SYCE2: variants seen among roughly 807,000 people sequenced by gnomAD.
The protein encoded by SYCE2 is synaptonemal complex central element protein 2.
Under a neutral mutation model 27.9 loss-of-function variants are expected in SYCE2, and 3 were observed. The ratio of observed to expected loss-of-function variants is 0.11; its 90% CI spans 0.05 to 0.28. The LOEUF (loss-of-function observed/expected upper bound fraction) is 0.28. Among genes scored for constraint, SYCE2 ranks in the 10% least tolerant of loss-of-function variants. The pLI is 1.00. For missense variants in SYCE2, 207 were observed against 263.5 expected, an observed-to-expected ratio of 0.79 and a Z score of 1.48; for synonymous variants, 85 against 100.7, an observed-to-expected ratio of 0.84 and a Z score of 0.93.
At chr19:12,910,454 C>T (rs971771572) in intron 2 of SYCE2, among the ~76,000 whole-genome samples, 2 of 151,850 alleles carry the variant, frequency 1.3e-5, no homozygotes, top group African/African-American at 2.4e-5. Flanking sequence ...CTCACTGCCA[C>T]CTCCACCTCC....
intron 3 of SYCE2, 142 bp from the exon 4 acceptor site, chr19:12,900,790 CCCCAG>C: frequency 1.3e-6 from 1 of 785,184 alleles, no homozygotes; most frequent in East Asian, 2.7e-5. Context: ...ATGCCTGTAA[CCCCAG>C]CACTTTGGTA....
intron 5 of SYCE2, 182 bp from the exon 6 acceptor site, chr19:12,899,567 C>T (rs866284333): frequency 6.2e-7 from 1 of 1,614,072 alleles, no homozygotes; most frequent in Non-Finnish European, 8.5e-7. Context: ...GCCCGAAACT[C>T]TCAAGCCCCT....
Position 12,909,020 on chromosome 19 carries a change from C to T in SYCE2, c.132-4354G>A, listed in dbSNP as rs573796163. Reference sequence around the variant, plus strand: ...CCGTAGCATGGGATCCCTGAACAGTCCCCTTTCCCACCTACGTCCTGTCTC... The same window carrying T: ...CCGTAGCATGGGATCCCTGAACAGTTCCCTTTCCCACCTACGTCCTGTCTC... On this transcript the variant is annotated intron_variant, in intron 2 of 5. Transcript: ENST00000293695. Among the ~76,000 whole-genome samples, 7 of 152,280 alleles carry T rather than the reference C, an allele frequency of 4.6e-5. No individual in the cohort carries two copies. In the East Asian group the frequency reaches 1.2e-3, roughly 25 times the overall value.
In SYCE2 at chr19:12,900,616, C is replaced by T; in HGVS notation, c.339G>A (p.Arg113=). ...VSDLTEKLEE[R]IYQIYNDHNK... is the part of the protein sequence containing the mutation. Reference sequence around the variant, plus strand: ...TGTGGTCATTATAAATCTGATAGATCCTCTCCTCTAATTTCTCTGTCAGAT... The same window carrying T: ...TGTGGTCATTATAAATCTGATAGATTCTCTCCTCTAATTTCTCTGTCAGAT... Residue 113 remains arginine (R), a synonymous_variant, in exon 4 of 6, where the codon AGG becomes AGA. Coordinates refer to ENST00000293695, the MANE Select transcript of SYCE2 (RefSeq NM_001105578.2). 6.2e-7 allele frequency: 1 copy of T among 1,613,846 alleles called. No homozygotes were observed. Among genetic ancestry groups the T allele is most frequent in the Non-Finnish European group, 8.5e-7 (1 of 1,179,974 alleles).
At position 12,910,969 on chromosome 19, in the gene SYCE2, A is replaced by G. The variant is rs373700171; in HGVS notation, c.132-6303T>C. 1.6e-3 allele frequency among the ~76,000 whole-genome samples: 239 copies of G among 151,140 alleles called. 5 individuals carry two copies. Among genetic ancestry groups the G allele is most frequent in the African/African-American group, 5.7e-3 (233 of 41,124 alleles). ...TGGGATTACAGGCGTGAGCCACCGCACCCGGCCTGACCTTTTTTTTTCTTT... is the reference window on the plus strand; with the variant it reads ...TGGGATTACAGGCGTGAGCCACCGCGCCCGGCCTGACCTTTTTTTTTCTTT... On this transcript the variant is annotated intron_variant, in intron 2 of 5. Coordinates refer to ENST00000293695, the MANE Select transcript of SYCE2 (RefSeq NM_001105578.2).
In SYCE2 at chr19:12,911,615, C is replaced by CTTTTT. The variant is rs71168633; in HGVS notation, c.131+6602_131+6606dup. On this transcript the variant is annotated intron_variant, in intron 2 of 5. Coordinates refer to ENST00000293695, the MANE Select transcript of SYCE2 (RefSeq NM_001105578.2). ...CCAACCATGCCTGGATAATTTTTGC[C>CTTTTT]TTTTTTTTTTTTTTTTTTTTTAGAC... Among the ~76,000 whole-genome samples the CTTTTT allele has an allele frequency of 4.8e-4, 50 of 103,732 alleles. 2 individuals are homozygous for CTTTTT. Among genetic ancestry groups the CTTTTT allele is most frequent in the Middle Eastern group, 8.1e-3 (1 of 124 alleles). The allele number at this position is 103,732 out of a possible 152,430, so 68.1% of individuals were successfully genotyped here.
chr19:12,899,326 G>A lies in SYCE2; in HGVS notation c.*15C>T. Reference sequence around the variant, plus strand: ...CCTGGAGACTGTCACTAAGGCGTGAGTCTCCCGGCAGCTGTCAGCATTCAC... The same window carrying A: ...CCTGGAGACTGTCACTAAGGCGTGAATCTCCCGGCAGCTGTCAGCATTCAC... On this transcript the variant is annotated 3_prime_UTR_variant, in exon 6 of 6. Transcript: ENST00000293695. 3.1e-6 allele frequency: 5 copies of A among 1,611,832 alleles called. No homozygotes were observed. Among genetic ancestry groups the A allele is most frequent in the Non-Finnish European group, 3.4e-6 (4 of 1,177,894 alleles).
intron 2 of SYCE2, among the ~76,000 whole-genome samples, chr19:12,911,824 G>T (rs1376833654): frequency 6.6e-6 from 1 of 151,992 alleles, no homozygotes; most frequent in African/African-American, 2.4e-5. Flanking sequence ...CACCATGTTG[G>T]CCAGGCTGGT....
At chr19:12,916,703 C>A (rs930753314) in intron 2 of SYCE2, among the ~76,000 whole-genome samples, 4 of 152,184 alleles carry the variant, frequency 2.6e-5, no homozygotes, top group Admixed American at 2.6e-4. Flanking sequence ...TCAAGTGGTC[C>A]TCCCACCTCA....
chr19:12,904,648 C>T lies in SYCE2; in HGVS notation c.150G>A (p.Thr50=), dbSNP rs765279348. ...AGAGTCCCGACTTCCCTTCCAGGACCGTCAGCTGGCAACTGGCACTGGAGG... is the reference window on the plus strand; with the variant it reads ...AGAGTCCCGACTTCCCTTCCAGGACTGTCAGCTGGCAACTGGCACTGGAGG... The part of the protein sequence containing the change: ...GGPASASCQL[T]VLEGKSGLYF... The change falls in exon 3 of 6, where the codon ACG becomes ACA. Residue 50 remains threonine, a synonymous_variant. Transcript: ENST00000293695. The T allele has an allele frequency of 1.9e-5, 31 of 1,613,598 alleles. No individual in the cohort carries two copies. The highest frequency in any genetic ancestry group is 1.3e-4 in the Admixed American group (8 of 59,936).
At chr19:12,918,423 C>T in intron 1 of SYCE2, 86 bp from the exon 2 acceptor site, 1 of 1,252,718 alleles carries the variant, frequency 8.0e-7, no homozygotes, top group Non-Finnish European at 1.2e-6. Flanking sequence ...ACCCTGGTCA[C>T]CTCGATGTGC....
chr19:12,909,569 A>G (rs1971006793), intron 2 of SYCE2, among the ~76,000 whole-genome samples: 1 of 151,488 alleles, frequency 6.6e-6, no homozygotes, highest in Non-Finnish European at 1.5e-5. Context: ...TTTTATTTTT[A>G]ATTAATTTTT....
Position 12,899,297 on chromosome 19 carries a change from T to G in SYCE2, c.*44A>C. 1 of 1,552,598 alleles carries G rather than the reference T, an allele frequency of 6.4e-7. No individual in the cohort carries two copies. Among genetic ancestry groups the G allele is most frequent in the Non-Finnish European group, 8.9e-7 (1 of 1,124,026 alleles). On this transcript the variant is annotated 3_prime_UTR_variant, in exon 6 of 6. Coordinates refer to ENST00000293695, the MANE Select transcript of SYCE2 (RefSeq NM_001105578.2). Reference sequence around the variant, plus strand: ...TGGCCCAAATGGTGGCCTCACAGTCTTCTCCTGGAGACTGTCACTAAGGCG... The same window carrying G: ...TGGCCCAAATGGTGGCCTCACAGTCGTCTCCTGGAGACTGTCACTAAGGCG...
Position 12,902,642 on chromosome 19 carries a change from TATAA to T in SYCE2, c.306+1846_306+1849del, listed in dbSNP as rs537016605. On this transcript the variant is annotated intron_variant, in intron 3 of 5. Coordinates refer to ENST00000293695, the MANE Select transcript of SYCE2 (RefSeq NM_001105578.2). Reference sequence around the variant, plus strand: ...CAGAGTGAGACGCCACCTCTAAAAATATAAATAAATAAATAAAACAAGTGAGCCG... The same window carrying T: ...CAGAGTGAGACGCCACCTCTAAAAATATAAATAAATAAAACAAGTGAGCCG... 7.3e-5 allele frequency among the ~76,000 whole-genome samples: 11 copies of T among 151,308 alleles called. No homozygotes were observed. The East Asian group carries it at 1.4e-3, about 19-fold the overall frequency.
intron 2 of SYCE2, among the ~76,000 whole-genome samples, chr19:12,908,255 G>A (rs1320012253): frequency 6.7e-6 from 1 of 149,728 alleles, no homozygotes; most frequent in Non-Finnish European, 1.5e-5. Context: ...GTTCTAGAAG[G>A]AGCTGCTTAA....
At chr19:12,916,203 G>A (rs1244431784) in intron 2 of SYCE2, among the ~76,000 whole-genome samples, 1 of 151,990 alleles carries the variant, frequency 6.6e-6, no homozygotes, top group African/African-American at 2.4e-5. Context: ...CGGAGTAGCT[G>A]GGATTAAAGG....
chr19:12,899,961 C>A, intron 5 of SYCE2, 43 bp downstream of exon 5: 1 of 1,612,086 alleles, frequency 6.2e-7, no homozygotes, highest in Non-Finnish European at 8.5e-7. Flanking sequence ...TAAAGACCTG[C>A]ACATCTGACC....
At chr19:12,904,144 A>G (rs1325567590) in intron 3 of SYCE2, among the ~76,000 whole-genome samples, 2 of 152,162 alleles carry the variant, frequency 1.3e-5, no homozygotes, top group Non-Finnish European at 1.5e-5. Flanking sequence ...GCAGGAGGGC[A>G]TCCAACGCCC....
chr19:12,906,885 C>T (rs1381398587), intron 2 of SYCE2, among the ~76,000 whole-genome samples: 8 of 151,682 alleles, frequency 5.3e-5, no homozygotes, highest in African/African-American at 1.7e-4. Context: ...AGTAAGACTT[C>T]GTCTCAAAAA....
Sources: allele counts gnomAD v4.1 joint callset (sites outside exome capture counted in the v4.1 genomes callset), GRCh38; gene constraint gnomAD v4.1.1; transcripts MANE v1.5; gene names NCBI Gene and HGNC (gene_info 2026-07-23, HGNC 2026-07-21).